Variants in FHOD3 observed in about 807,000 individuals in gnomAD.
The protein encoded by FHOD3 is formin homology 2 domain containing 3, also known as FH1/FH2 domain-containing protein 3.
FHOD3 carries 90 observed loss-of-function variants against 173.0 expected under a neutral mutation model. That is an observed-to-expected ratio of 0.52 (90% CI 0.44 to 0.62). The LOEUF (loss-of-function observed/expected upper bound fraction) is 0.62, where lower values mean the gene tolerates loss of function less well. Among genes scored for constraint, FHOD3 ranks in the 20% least tolerant of loss-of-function variants. The probability of loss-of-function intolerance (pLI) is 0.00; values close to 1 mark genes in which losing one functional copy is unlikely to be tolerated. For missense variants in FHOD3, 1,945 were observed against 2,034.7 expected (o/e 0.96, Z 0.85); for synonymous variants, 828 against 823.0 (o/e 1.01, Z -0.10).
At chr18:36,440,791 G>C (rs898096495) in intron 3 of FHOD3, among the ~76,000 whole-genome samples, 1 of 152,164 alleles carries the variant, frequency 6.6e-6, no homozygotes. Flanking sequence ...CTCAGTAGTC[G>C]CATTCCCTTA....
chr18:36,510,932 G>A (rs946475328), intron 4 of FHOD3, among the ~76,000 whole-genome samples: 2 of 152,084 alleles, frequency 1.3e-5, no homozygotes, highest in East Asian at 3.9e-4. Flanking sequence ...TTCAAAGGGA[G>A]CCTTTGCTGA....
intron 3 of FHOD3, among the ~76,000 whole-genome samples, chr18:36,408,600 T>C (rs1330672931): frequency 1.3e-5 from 2 of 151,952 alleles, no homozygotes; most frequent in Non-Finnish European, 2.9e-5. Flanking sequence ...TGAAGACCAA[T>C]GTAGTGAGTT....
chr18:36,402,276 T>C (rs2048850335), intron 3 of FHOD3, among the ~76,000 whole-genome samples: 1 of 152,128 alleles, frequency 6.6e-6, no homozygotes, highest in Admixed American at 6.5e-5. Flanking sequence ...AGAGGCCTTC[T>C]TGAGCGTAGC....
chr18:36,485,438 C>T (rs2054143295), intron 3 of FHOD3, among the ~76,000 whole-genome samples: 1 of 152,132 alleles, frequency 6.6e-6, no homozygotes, highest in African/African-American at 2.4e-5. Flanking sequence ...TGTGAGCATG[C>T]GCCCACCCAT....
intron 9 of FHOD3, among the ~76,000 whole-genome samples, chr18:36,619,472 C>G (rs1235404421): frequency 1.3e-5 from 2 of 152,242 alleles, no homozygotes; most frequent in African/African-American, 2.4e-5. Flanking sequence ...ACTCTTTTCT[C>G]TTTCCTGTGT....
intron 1 of FHOD3, among the ~76,000 whole-genome samples, chr18:36,341,161 A>G (rs1014397247): frequency 1.3e-5 from 2 of 152,250 alleles, no homozygotes; most frequent in African/African-American, 4.8e-5. Context: ...TATATCAATT[A>G]AAGATGAAAT....
intron 27 of FHOD3, among the ~76,000 whole-genome samples, chr18:36,765,227 A>T (rs1011355458): frequency 3.3e-5 from 5 of 152,190 alleles, no homozygotes; most frequent in African/African-American, 1.2e-4. Context: ...AGGCTAGAGT[A>T]AGCACCTTGA....
chr18:36,357,841 T>C (rs1187914308), intron 2 of FHOD3, among the ~76,000 whole-genome samples: 1 of 152,192 alleles, frequency 6.6e-6, no homozygotes, highest in East Asian at 1.9e-4. Context: ...GTGTTGTGCT[T>C]GAGGACCTTG....
chr18:36,604,016 G>A (rs917322748), intron 8 of FHOD3, among the ~76,000 whole-genome samples: 4 of 152,132 alleles, frequency 2.6e-5, no homozygotes, highest in African/African-American at 4.8e-5. Flanking sequence ...TCCTCCTGTT[G>A]CGTCCCTCCC....
intron 26 of FHOD3, among the ~76,000 whole-genome samples, chr18:36,759,908 C>A (rs1021185736): frequency 1.3e-5 from 2 of 152,270 alleles, no homozygotes; most frequent in African/African-American, 4.8e-5. Context: ...TTCCAGCATA[C>A]CTCTTTTAAA....
intron 5 of FHOD3, among the ~76,000 whole-genome samples, chr18:36,574,033 T>C (rs2058555849): frequency 6.6e-6 from 1 of 152,156 alleles, no homozygotes; most frequent in African/African-American, 2.4e-5. Context: ...TCCCTTCACT[T>C]CTCAGAGCCT....
chr18:36,671,992 A>T (rs556490597), intron 14 of FHOD3, among the ~76,000 whole-genome samples: 1 of 152,310 alleles, frequency 6.6e-6, no homozygotes, highest in South Asian at 2.1e-4. Flanking sequence ...TGTCTTGAAG[A>T]ACTTGGGTAG....
chr18:36,667,546 A>G (rs1307309257), intron 14 of FHOD3, among the ~76,000 whole-genome samples: 1 of 152,200 alleles, frequency 6.6e-6, no homozygotes. Context: ...TGCAGCGTGT[A>G]ACTGTACCAA....
intron 3 of FHOD3, among the ~76,000 whole-genome samples, chr18:36,457,210 C>T (rs1383081592): frequency 6.6e-6 from 1 of 152,090 alleles, no homozygotes; most frequent in African/African-American, 2.4e-5. Flanking sequence ...TTGGTGCCCA[C>T]TCAGAAGACT....
chr18:36,350,536 G>A (rs1008798767), intron 1 of FHOD3, among the ~76,000 whole-genome samples: 9 of 152,172 alleles, frequency 5.9e-5, no homozygotes, highest in African/African-American at 2.2e-4. Flanking sequence ...GGACTGCAGG[G>A]GACATGCTGC....
At chr18:36,422,025 A>G (rs889381436) in intron 3 of FHOD3, among the ~76,000 whole-genome samples, 4 of 152,188 alleles carry the variant, frequency 2.6e-5, no homozygotes, top group Admixed American at 2.6e-4. Flanking sequence ...ATTTTTTTGA[A>G]AAGGTGGCAC....
intron 3 of FHOD3, among the ~76,000 whole-genome samples, chr18:36,449,209 T>C (rs1279243138): frequency 3.3e-5 from 5 of 152,172 alleles, no homozygotes; most frequent in Non-Finnish European, 7.4e-5. Context: ...CCTTAGAAGC[T>C]GCCTATACTT....
At chr18:36,465,675 A>G (rs1438551141) in intron 3 of FHOD3, among the ~76,000 whole-genome samples, 1 of 152,142 alleles carries the variant, frequency 6.6e-6, no homozygotes, top group Admixed American at 6.5e-5. Flanking sequence ...ACTTAAACCA[A>G]GGATCCTAAG....
At chr18:36,395,401 C>T (rs1207333120) in intron 3 of FHOD3, among the ~76,000 whole-genome samples, 1 of 151,828 alleles carries the variant, frequency 6.6e-6, no homozygotes, top group African/African-American at 2.4e-5. Flanking sequence ...GTCATTTTCT[C>T]TTAGTTCTGC....
Sources: gnomAD v4.1 joint callset for allele counts (sites outside exome capture counted in the v4.1 genomes callset) on GRCh38, gnomAD v4.1.1 for gene constraint, MANE v1.5 for transcripts, NCBI Gene and HGNC (gene_info 2026-07-23, HGNC 2026-07-21) for gene names.